Variants in ZNF8 observed in about 807,000 individuals in gnomAD.
The protein encoded by ZNF8 is zinc finger protein 272.
A neutral mutation model predicts 12.2 loss-of-function variants in ZNF8; 9 were observed. The observed-to-expected ratio is 0.73, with a 90% CI of 0.44 to 1.28. The LOEUF is 1.28. Ranked by LOEUF, ZNF8 falls within the 50% of genes most tolerant of loss-of-function variation. The probability of loss-of-function intolerance (pLI) is 0.00; values close to 1 mark genes in which losing one functional copy is unlikely to be tolerated. For missense variants in ZNF8, 664 were observed against 729.1 expected, an observed-to-expected ratio of 0.91 and a Z score of 1.03; for synonymous variants, 274 against 282.3, an observed-to-expected ratio of 0.97 and a Z score of 0.30.
At chr19:58,281,376 G>A (rs1343607086) in intron 1 of ZNF8, among the ~76,000 whole-genome samples, 1 of 152,130 alleles carries the variant, frequency 6.6e-6, no homozygotes, top group Admixed American at 6.5e-5. Flanking sequence ...CTCCAGAAGT[G>A]CAAGACAAGA....
In ZNF8 at chr19:58,302,052, A is replaced by G. The variant is rs1438958655; in HGVS notation, c.*6516A>G. 2 of 152,178 alleles carry G rather than the reference A, an allele frequency of 1.3e-5. No individual in the cohort carries two copies. Among genetic ancestry groups the G allele is most frequent in the South Asian group, 2.1e-4 (1 of 4,832 alleles). 9.4% of individuals were successfully genotyped at this position (152,178 alleles called of 1,614,324 possible). On this transcript the variant is annotated 3_prime_UTR_variant, in exon 4 of 4. Transcript: ENST00000621650. ...AATGAAGACTCTATATACAGCTTGA[A>G]TATTCCTTATCGAAATGCTTGGGAC...
At chr19:58,291,015 T>TC (rs1004478830) in intron 3 of ZNF8, among the ~76,000 whole-genome samples, 1 of 152,062 alleles carries the variant, frequency 6.6e-6, no homozygotes, top group Admixed American at 6.5e-5. Flanking sequence ...GGTGACAGAG[T>TC]AAGACCTTAT....
At chr19:58,284,149 G>A (rs921570401) in intron 1 of ZNF8, among the ~76,000 whole-genome samples, 13 of 152,032 alleles carry the variant, frequency 8.6e-5, no homozygotes, top group South Asian at 2.1e-4. Context: ...AACTGAATCC[G>A]GGAGGCAGAG....
intron 1 of ZNF8, 60 bp downstream of exon 1, chr19:58,279,207 T>G (rs1568521509): frequency 3.9e-6 from 6 of 1,539,830 alleles, no homozygotes; most frequent in Non-Finnish European, 5.2e-6. Flanking sequence ...CCGCGCAGAC[T>G]GACCCTTTCA....
Position 58,301,015 on chromosome 19 carries a change from C to T in ZNF8, c.*5479C>T, listed in dbSNP as rs1288062044. On this transcript the variant is annotated 3_prime_UTR_variant, in exon 4 of 4. Coordinates refer to ENST00000621650, the MANE Select transcript of ZNF8 (RefSeq NM_021089.3). ...GAGTCCACCTTGTGCTCCACGCCCT[C>T]CCCAGGTGTCATCTACATCCCTAGC... 6.6e-6 allele frequency: 1 copy of T among 152,374 alleles called. No homozygotes were observed. Among genetic ancestry groups the T allele is most frequent in the Non-Finnish European group, 1.5e-5 (1 of 68,178 alleles). The allele number at this position is 152,374 out of a possible 1,614,324, so 9.4% of individuals were successfully genotyped here. A position where few individuals can be genotyped will look rare whatever the true frequency, so the allele number is the denominator to read the frequency against.
rs1249799221 is a variant in ZNF8, at chr19:58,300,686, A to G, written c.*5150A>G. The G allele has an allele frequency of 6.6e-6, 1 of 151,460 alleles. No individual in the cohort carries two copies. Among genetic ancestry groups the G allele is most frequent in the Non-Finnish European group, 1.5e-5 (1 of 67,896 alleles). The allele number at this position is 151,460 out of a possible 1,614,324, so 9.4% of individuals were successfully genotyped here. A position where few individuals can be genotyped will look rare whatever the true frequency, so the allele number is the denominator to read the frequency against. On this transcript the variant is annotated 3_prime_UTR_variant, in exon 4 of 4. Coordinates refer to ENST00000621650, the MANE Select transcript of ZNF8 (RefSeq NM_021089.3). ...CTTGTGCTCCCTATTCCCTTGGTGG[A>G]TGATGGAGGCAGCTAGCCGTATCTG...
intron 3 of ZNF8, among the ~76,000 whole-genome samples, chr19:58,288,104 C>G (rs1045201120): frequency 1.2e-4 from 18 of 151,390 alleles, no homozygotes; most frequent in Non-Finnish European, 2.4e-4. Context: ...AAACAGTCCT[C>G]CTGCCTCAGC....
intron 3 of ZNF8, among the ~76,000 whole-genome samples, chr19:58,292,062 G>C (rs1374254804): frequency 6.6e-6 from 1 of 152,024 alleles, no homozygotes; most frequent in Non-Finnish European, 1.5e-5. Context: ...TGGGGAGGAG[G>C]GTGGGTCTGT....
intron 3 of ZNF8, among the ~76,000 whole-genome samples, chr19:58,292,643 C>G (rs1239698070): frequency 6.6e-6 from 1 of 152,212 alleles, no homozygotes; most frequent in Non-Finnish European, 1.5e-5. Context: ...TTTGCCTGTT[C>G]TAGATATTCC....
Position 58,301,419 on chromosome 19 carries a change from C to G in ZNF8, c.*5883C>G, listed in dbSNP as rs60404734. ...GAGAAGTAATGTGCTACCAAGTGGC[C>G]CAGCCAGAGTGTGAACCAAACAGTC... On this transcript the variant is annotated 3_prime_UTR_variant, in exon 4 of 4. Transcript: ENST00000621650. 5,835 of 152,308 alleles carry G rather than the reference C, an allele frequency of 0.038. 257 individuals carry two copies. The highest frequency in any genetic ancestry group is 0.26 in the East Asian group (1,355 of 5,182). 9.4% of individuals were successfully genotyped at this position (152,308 alleles called of 1,614,324 possible). A position where few individuals can be genotyped will look rare whatever the true frequency, so the allele number is the denominator to read the frequency against.
Position 58,300,909 on chromosome 19 carries a change from TCTC to T in ZNF8, c.*5376_*5378del, listed in dbSNP as rs1410567024. On this transcript the variant is annotated 3_prime_UTR_variant, in exon 4 of 4. Coordinates refer to ENST00000621650, the MANE Select transcript of ZNF8 (RefSeq NM_021089.3). ...CTGCTAACCTCTTTGCAGAGCTCCA[TCTC>T]CTTGCATTGTGGGGTTCCTTCTAAC... The T allele has an allele frequency of 5.3e-5, 8 of 152,378 alleles. No individual in the cohort carries two copies. Among genetic ancestry groups the T allele is most frequent in the African/African-American group, 1.9e-4 (8 of 41,434 alleles). The allele number at this position is 152,378 out of a possible 1,614,324, so 9.4% of individuals were successfully genotyped here.
At chr19:58,279,338 A>C (rs1227493461) in intron 1 of ZNF8, 191 bp downstream of exon 1, 1 of 1,476,798 alleles carries the variant, frequency 6.8e-7, no homozygotes, top group Non-Finnish European at 9.0e-7. Context: ...GATTCCAACC[A>C]GGCGCCTGGC....
intron 1 of ZNF8, chr19:58,280,288 A>G (rs1456787327): frequency 4.1e-5 from 8 of 196,128 alleles, no homozygotes; most frequent in Non-Finnish European, 7.4e-5. Flanking sequence ...GCTCACTCAC[A>G]TGTCTGTTGA....
At position 58,298,042 on chromosome 19, in the gene ZNF8, T is replaced by TC. The variant is rs2051466851; in HGVS notation, c.*2507dup. ...TCTTTTCTTTTCTTTTTTTTTTTTT[T>TC]CTTTTGAGACGGAGTCTCGCTCTGT... On this transcript the variant is annotated 3_prime_UTR_variant, in exon 4 of 4. Transcript: ENST00000621650. 6.6e-6 allele frequency: 1 copy of TC among 151,800 alleles called. No individual in the cohort carries two copies. Among genetic ancestry groups the TC allele is most frequent in the Non-Finnish European group, 1.5e-5 (1 of 67,954 alleles). 9.4% of individuals were successfully genotyped at this position (151,800 alleles called of 1,614,324 possible).
chr19:58,279,009 T>C lies in ZNF8; in HGVS notation c.-73T>C, dbSNP rs1203503779. ...ATTGTCCGGCGTTCGGCGAGTCGGG[T>C]GGTCCCTTTGGCTGGAGTGCCTCTC... On this transcript the variant is annotated 5_prime_UTR_variant, in exon 1 of 4. Transcript: ENST00000621650. The C allele has an allele frequency of 1.5e-5, 20 of 1,341,340 alleles. No homozygotes were observed. The highest frequency in any genetic ancestry group is 1.1e-4 in the Admixed American group (3 of 28,246). The allele number at this position is 1,341,340 out of a possible 1,614,324, so 83.1% of individuals were successfully genotyped here.
In ZNF8 at chr19:58,286,159, C is replaced by T. The variant is rs765507367; in HGVS notation, c.243C>T (p.Thr81=). 31 of 1,613,930 alleles carry T rather than the reference C, an allele frequency of 1.9e-5. No homozygotes were observed. Among genetic ancestry groups the T allele is most frequent in the South Asian group, 1.5e-4 (14 of 91,066 alleles). The part of the protein sequence containing the change: ...PEVISQLEQG[T]ELWVAERGTT... Reference sequence around the variant, plus strand: ...TCATCTCCCAGCTGGAGCAAGGGACCGAGCTATGGGTGGCTGAGAGAGGAA... The same window carrying T: ...TCATCTCCCAGCTGGAGCAAGGGACTGAGCTATGGGTGGCTGAGAGAGGAA... Residue 81 remains threonine, a synonymous_variant, in exon 3 of 4, where the codon ACC becomes ACT. Coordinates refer to ENST00000621650, the MANE Select transcript of ZNF8 (RefSeq NM_021089.3).
At position 58,290,108 on chromosome 19, in the gene ZNF8, C is replaced by CTTTT. The variant is rs773199651; in HGVS notation, c.289+3923_289+3926dup. On this transcript the variant is annotated intron_variant, in intron 3 of 3. Coordinates refer to ENST00000621650, the MANE Select transcript of ZNF8 (RefSeq NM_021089.3). ...ACCGCGCCTGGCCCATTTCAAGATT[C>CTTTT]TTTTTTTTTTTTTTTTTTTTTTTGA... Among the ~76,000 whole-genome samples the CTTTT allele has an allele frequency of 4.5e-3, 332 of 73,428 alleles. 10 individuals are homozygous for CTTTT. The highest frequency in any genetic ancestry group is 0.01 in the African/African-American group (180 of 17,298). The allele number at this position is 73,428 out of a possible 152,430, so 48.2% of individuals were successfully genotyped here. A position where few individuals can be genotyped will look rare whatever the true frequency, so the allele number is the denominator to read the frequency against.
At position 58,294,393 on chromosome 19, in the gene ZNF8, T is replaced by C. The variant is rs556342278; in HGVS notation, c.585T>C (p.Ser195=). 7.4e-6 allele frequency: 12 copies of C among 1,613,726 alleles called. No individual in the cohort carries two copies. Among genetic ancestry groups the C allele is most frequent in the African/African-American group, 1.3e-5 (1 of 75,004 alleles). The change falls in exon 4 of 4, where the codon TCT becomes TCC. Residue 195 remains serine (S), a synonymous_variant. Coordinates refer to ENST00000621650, the MANE Select transcript of ZNF8 (RefSeq NM_021089.3). The surrounding 1 kb of genome is among the most constrained non-coding windows in gnomAD (Gnocchi z 5.5). ...SSSPNPFPEI[S]RGEYLYTYDS... is the part of the protein sequence containing the mutation. ...GCCCAAATCCATTCCCAGAGATCTC[T>C]AGAGGGGAGTATTTGTATACTTACG...
rs1232841372 is a variant in ZNF8 at position 58,299,838 on chromosome 19, T to TC, written c.*4304dup. 1 of 152,190 alleles carries TC rather than the reference T, an allele frequency of 6.6e-6. No individual in the cohort carries two copies. The highest frequency in any genetic ancestry group is 1.5e-5 in the Non-Finnish European group (1 of 68,066). 9.4% of individuals were successfully genotyped at this position (152,190 alleles called of 1,614,324 possible). ...TGCTGGGAGTGTCACAACTCAGCTA[T>TC]CCAATCAAGGCAGAGCTGGCCTCCA... is the stretch of plus-strand genomic sequence containing the variant. On this transcript the variant is annotated 3_prime_UTR_variant, in exon 4 of 4. Coordinates refer to ENST00000621650, the MANE Select transcript of ZNF8 (RefSeq NM_021089.3).
Sources: allele counts gnomAD v4.1 joint callset (sites outside exome capture counted in the v4.1 genomes callset), GRCh38; gene constraint gnomAD v4.1.1; non-coding constraint Gnocchi (gnomAD v3.1); transcripts MANE v1.5; gene names NCBI Gene and HGNC (gene_info 2026-07-23, HGNC 2026-07-21).